The following DVL3 variants were observed in gnomAD, a reference collection of about 807,000 sequenced individuals.
DVL3 encodes segment polarity protein dishevelled homolog DVL-3.
In DVL3, 27 loss-of-function variants were observed where a neutral mutation model predicts 67.4. The observed-to-expected ratio is 0.40, with a 90% CI of 0.30 to 0.55. The LOEUF is 0.55. Among genes scored for constraint, DVL3 ranks in the 20% least tolerant of loss-of-function variants. DVL3 has a pLI of 0.46. For synonymous variants in DVL3, 369 were observed against 396.8 expected (o/e 0.93, Z 0.83); for missense variants, 819 against 1,021.5 (o/e 0.80, Z 2.70).
Position 184,166,890 on chromosome 3 carries a change from C to A in DVL3, c.1113C>A (p.Thr371=). 6.2e-7 allele frequency: 1 copy of A among 1,614,182 alleles called. No individual in the cohort carries two copies. Among genetic ancestry groups the A allele is most frequent in the South Asian group, 1.1e-5 (1 of 91,084 alleles). The change falls in exon 11 of 15, where the codon ACC becomes ACA. Residue 371 remains threonine (T), a synonymous_variant. Coordinates refer to ENST00000313143, the MANE Select transcript of DVL3 (RefSeq NM_004423.4). This position sits in a 1 kb window ranked among gnomAD's most constrained non-coding sequence, Gnocchi z 6.7. ...WVSHTAAMTG[T]FPAYGMSPSL... ...CCCACACTGCAGCCATGACCGGCAC[C>A]TTCCCTGCATACGGCATGAGCCCCT...
At position 184,170,637 on chromosome 3, in the gene DVL3, C is replaced by T; in HGVS notation, c.2033C>T (p.Pro678Leu). 2 of 1,610,362 alleles carry T rather than the reference C, an allele frequency of 1.2e-6. No homozygotes were observed. The change falls in exon 15 of 15, where the codon CCC becomes CTC. Residue 678 changes from proline to leucine, a missense_variant. Coordinates refer to ENST00000313143, the MANE Select transcript of DVL3 (RefSeq NM_004423.4). This position sits in a 1 kb window ranked among gnomAD's most constrained non-coding sequence, Gnocchi z 6.5. Reference protein sequence around the residue: ...MMPPPPAAMGPPGAPPGRDLA... With the variant: ...MMPPPPAAMGLPGAPPGRDLA... The stretch of plus-strand genomic sequence containing the variant: ...CCCCCGCCGCCCGCGGCCATGGGGC[C>T]CCCAGGAGCCCCTCCGGGCCGCGAC...
In DVL3 at chr3:184,170,874, C is replaced by T; in HGVS notation, c.*119C>T. 14 of 1,550,774 alleles carry T rather than the reference C, an allele frequency of 9.0e-6. No homozygotes were observed. Among genetic ancestry groups the T allele is most frequent in the Non-Finnish European group, 1.2e-5 (14 of 1,147,526 alleles). ...GAAAGGGAAATAAAAGGAACTAAAT[C>T]CAGGTGCGCTAACTGCTCGCAGGGT... is the stretch of plus-strand genomic sequence containing the variant. On this transcript the variant is annotated 3_prime_UTR_variant, in exon 15 of 15. Coordinates refer to ENST00000313143, the MANE Select transcript of DVL3 (RefSeq NM_004423.4). This position sits in a 1 kb window ranked among gnomAD's most constrained non-coding sequence, Gnocchi z 6.5.
In DVL3 at chr3:184,166,425, C is replaced by G. The variant is rs1714592267; in HGVS notation, c.904-21C>G. ...ATCCTCCCCAGCACAGCTGTTTATCCCACTCCTGGTCCTTTCCCAGGTAAA... is the reference window on the plus strand; with the variant it reads ...ATCCTCCCCAGCACAGCTGTTTATCGCACTCCTGGTCCTTTCCCAGGTAAA... On this transcript the variant is annotated intron_variant, in intron 8 of 14. Coordinates refer to ENST00000313143, the MANE Select transcript of DVL3 (RefSeq NM_004423.4). This position sits in a 1 kb window ranked among gnomAD's most constrained non-coding sequence, Gnocchi z 6.7. The G allele has an allele frequency of 1.9e-6, 3 of 1,613,748 alleles. No homozygotes were observed. Among genetic ancestry groups the G allele is most frequent in the Non-Finnish European group, 2.5e-6 (3 of 1,179,798 alleles).
chr3:184,166,902 C>G lies in DVL3; in HGVS notation c.1125C>G (p.Tyr375Ter). 6.2e-7 allele frequency: 1 copy of G among 1,614,170 alleles called. No homozygotes were observed. Among genetic ancestry groups the G allele is most frequent in the Non-Finnish European group, 8.5e-7 (1 of 1,180,032 alleles). Residue 375 changes from tyrosine (Y) to a stop codon, truncating the protein, a stop_gained, in exon 11 of 15, where the codon TAC becomes TAG. Transcript: ENST00000313143. LOFTEE classifies it high-confidence loss of function. This position sits in a 1 kb window ranked among gnomAD's most constrained non-coding sequence, Gnocchi z 6.7. ...TAAMTGTFPAYGMSPSLSTIT... is the reference protein window; with the variant it reads ...TAAMTGTFPA ...CCATGACCGGCACCTTCCCTGCATA[C>G]GGCATGAGCCCCTCCCTGAGCACCA... is the stretch of plus-strand genomic sequence containing the variant.
chr3:184,166,063 A>G lies in DVL3; in HGVS notation c.764-63A>G, dbSNP rs371246401. 212 of 1,581,628 alleles carry G rather than the reference A, an allele frequency of 1.3e-4. No individual in the cohort carries two copies. In the Middle Eastern group the frequency reaches 3.2e-3, roughly 24 times the overall value. ...CAGTTCCTGTCCCTTTCCATTTTCT[A>G]ATGGGCTGGGAATGCGGGTAGGAAC... On this transcript the variant is annotated intron_variant, in intron 7 of 14. Transcript: ENST00000313143. This position sits in a 1 kb window ranked among gnomAD's most constrained non-coding sequence, Gnocchi z 6.7.
rs752052086 is a variant in DVL3, at chr3:184,167,026, G to A, written c.1198+51G>A. On this transcript the variant is annotated intron_variant, in intron 11 of 14. Coordinates refer to ENST00000313143, the MANE Select transcript of DVL3 (RefSeq NM_004423.4). This position sits in a 1 kb window ranked among gnomAD's most constrained non-coding sequence, Gnocchi z 4.6. ...GCCCAGCAGACAGGGCCAGGTGGGGGGACTGATGAGGGTCCATGTGGAGAC... is the reference window on the plus strand; with the variant it reads ...GCCCAGCAGACAGGGCCAGGTGGGGAGACTGATGAGGGTCCATGTGGAGAC... 6.3e-7 allele frequency: 1 copy of A among 1,596,156 alleles called. No homozygotes were observed. Among genetic ancestry groups the A allele is most frequent in the African/African-American group, 1.3e-5 (1 of 74,624 alleles).
At position 184,171,324 on chromosome 3, in the gene DVL3, A is replaced by G. The variant is rs576440883; in HGVS notation, c.*569A>G. ...GCAACCTAAAGCTGTAGTCGCCTCC[A>G]ATAGCCATCCATGCCATCCCTGCCT... On this transcript the variant is annotated 3_prime_UTR_variant, in exon 15 of 15. Transcript: ENST00000313143. The G allele has an allele frequency of 1.0e-3, 1,057 of 1,017,484 alleles. 1 individual carries two copies. Among genetic ancestry groups the G allele is most frequent in the Non-Finnish European group, 1.2e-3 (1,014 of 850,738 alleles). 63.0% of individuals were successfully genotyped at this position (1,017,484 alleles called of 1,614,324 possible).
Position 184,164,188 on chromosome 3 carries a change from C to T in DVL3, c.232-79C>T. The T allele has an allele frequency of 6.5e-7, 1 of 1,530,802 alleles. No homozygotes were observed. The highest frequency in any genetic ancestry group is 1.4e-5 in the African/African-American group (1 of 72,938). 94.8% of individuals were successfully genotyped at this position (1,530,802 alleles called of 1,614,324 possible). A position where few individuals can be genotyped will look rare whatever the true frequency, so the allele number is the denominator to read the frequency against. Reference sequence around the variant, plus strand: ...TCCTGCTTCCTTCCTCTTAGGCCTTCATGCCTTGCTGGAAGTGAACTATCC... The same window carrying T: ...TCCTGCTTCCTTCCTCTTAGGCCTTTATGCCTTGCTGGAAGTGAACTATCC... On this transcript the variant is annotated intron_variant, in intron 2 of 14. Coordinates refer to ENST00000313143, the MANE Select transcript of DVL3 (RefSeq NM_004423.4). The surrounding 1 kb of genome is among the most constrained non-coding windows in gnomAD (Gnocchi z 5.3).
In DVL3 at chr3:184,164,647, C is replaced by T; in HGVS notation, c.463+46C>T. ...ACACTGTCCGCACCTCACACCCTCCCCTCACTTTCCACCCAGCTACCCACC... is the reference window on the plus strand; with the variant it reads ...ACACTGTCCGCACCTCACACCCTCCTCTCACTTTCCACCCAGCTACCCACC... On this transcript the variant is annotated intron_variant, in intron 4 of 14. Transcript: ENST00000313143. The surrounding 1 kb of genome is among the most constrained non-coding windows in gnomAD (Gnocchi z 5.3). 1.3e-6 allele frequency: 2 copies of T among 1,551,072 alleles called. No individual in the cohort carries two copies. The highest frequency in any genetic ancestry group is 8.7e-7 in the Non-Finnish European group (1 of 1,143,790).
rs1383619476 is a variant in DVL3, at chr3:184,155,839, C to G, written c.161+43C>G. ...CCCGCCTCCGGGAGCCCCGGCCGCT[C>G]TGGCTTCTAAGGGATGACGCGGTCC... On this transcript the variant is annotated intron_variant, in intron 1 of 14. Coordinates refer to ENST00000313143, the MANE Select transcript of DVL3 (RefSeq NM_004423.4). This position sits in a 1 kb window ranked among gnomAD's most constrained non-coding sequence, Gnocchi z 5.4. 3.2e-6 allele frequency: 5 copies of G among 1,569,432 alleles called. No homozygotes were observed. The highest frequency in any genetic ancestry group is 2.7e-5 in the African/African-American group (2 of 72,970).
In DVL3 at chr3:184,165,228, G is replaced by C. The variant is rs780021514; in HGVS notation, c.693+22G>C. The C allele has an allele frequency of 6.4e-6, 10 of 1,572,828 alleles. No individual in the cohort carries two copies. The highest frequency in any genetic ancestry group is 3.5e-4 in the Middle Eastern group (2 of 5,796). On this transcript the variant is annotated intron_variant, in intron 6 of 14. Coordinates refer to ENST00000313143, the MANE Select transcript of DVL3 (RefSeq NM_004423.4). The surrounding 1 kb of genome is among the most constrained non-coding windows in gnomAD (Gnocchi z 4.1). ...GCGGGTATGGGGTCTGGGAGGCTAG[G>C]GATGGGTGGAGGCAGATTGTGAGCC...
chr3:184,170,740 T>A lies in DVL3; in HGVS notation c.2136T>A (p.Phe712Leu), dbSNP rs757019188. 3.7e-6 allele frequency: 6 copies of A among 1,613,342 alleles called. No individual in the cohort carries two copies. The Admixed American group carries it at 1.0e-4, about 27-fold the overall frequency. ...RMAMGNPSEF[F>L]VDVM ...CCATGGGAAACCCCAGTGAGTTCTT[T>A]GTGGATGTGATGTGAGCAGGGCCCC... Residue 712 changes from phenylalanine to leucine, a missense_variant, in exon 15 of 15, where the codon TTT (phenylalanine) becomes TTA (leucine). Phe to Leu is a conservative substitution (Grantham distance 22, BLOSUM62 0). Coordinates refer to ENST00000313143, the MANE Select transcript of DVL3 (RefSeq NM_004423.4). This position sits in a 1 kb window ranked among gnomAD's most constrained non-coding sequence, Gnocchi z 6.5.
In DVL3 at chr3:184,171,154, T is replaced by G. The variant is rs998920301; in HGVS notation, c.*399T>G. 16 of 1,159,366 alleles carry G rather than the reference T, an allele frequency of 1.4e-5. No individual in the cohort carries two copies. The highest frequency in any genetic ancestry group is 1.7e-5 in the Non-Finnish European group (16 of 931,548). 71.8% of individuals were successfully genotyped at this position (1,159,366 alleles called of 1,614,324 possible). A position where few individuals can be genotyped will look rare whatever the true frequency, so the allele number is the denominator to read the frequency against. On this transcript the variant is annotated 3_prime_UTR_variant, in exon 15 of 15. Transcript: ENST00000313143. ...TTCCCCTTTAGCTCCCTTTCACCAT[T>G]TATTCAGCTACATCATCCCTCTATT...
intron 1 of DVL3, among the ~76,000 whole-genome samples, chr3:184,157,996 G>A (rs1042805945): frequency 6.6e-6 from 1 of 152,068 alleles, no homozygotes; most frequent in Non-Finnish European, 1.5e-5. Flanking sequence ...TTTAATCTTC[G>A]AAACAGCCTT....
In DVL3 at chr3:184,164,465, C is replaced by G. The variant is rs377048880; in HGVS notation, c.354-27C>G. 62 of 1,600,166 alleles carry G rather than the reference C, an allele frequency of 3.9e-5. No homozygotes were observed. On this transcript the variant is annotated intron_variant, in intron 3 of 14. Coordinates refer to ENST00000313143, the MANE Select transcript of DVL3 (RefSeq NM_004423.4). This position sits in a 1 kb window ranked among gnomAD's most constrained non-coding sequence, Gnocchi z 5.3. ...GGGGAGGGAGCCCCCAGCCTGCCCC[C>G]TCCCCCATCAAGTCTCTTCCCTGCA...
intron 1 of DVL3, among the ~76,000 whole-genome samples, chr3:184,160,057 A>G (rs1326551421): frequency 6.6e-6 from 1 of 150,668 alleles, no homozygotes; most frequent in Non-Finnish European, 1.5e-5. Context: ...CTCCTCCCTC[A>G]GCCTCCCGAG....
rs191929694 is a variant in DVL3, at chr3:184,165,578, C to T, written c.763+87C>T. The T allele has an allele frequency of 1.0e-4, 123 of 1,205,304 alleles. No individual in the cohort carries two copies. In the East Asian group the frequency reaches 2.7e-3, roughly 26 times the overall value. 74.7% of individuals were successfully genotyped at this position (1,205,304 alleles called of 1,614,324 possible). On this transcript the variant is annotated intron_variant, in intron 7 of 14. Coordinates refer to ENST00000313143, the MANE Select transcript of DVL3 (RefSeq NM_004423.4). The surrounding 1 kb of genome is among the most constrained non-coding windows in gnomAD (Gnocchi z 4.1). ...AGTTCAGAGAGCGTAGAATATGTTC[C>T]CTGCCCTCAAGGAGCTCTCTTTCGT...
Position 184,170,590 on chromosome 3 carries a change from C to T in DVL3, c.1986C>T (p.Tyr662=), listed in dbSNP as rs1364441976. ...GTCCTCCCGGAGTGCCCCCTCTCTACGGCCCCCCCATGCTGATGATGCCCC... is the reference window on the plus strand; with the variant it reads ...GTCCTCCCGGAGTGCCCCCTCTCTATGGCCCCCCCATGCTGATGATGCCCC... ...SYGPPGVPPL[Y]GPPMLMMPPP... is the part of the protein sequence containing the mutation. The change falls in exon 15 of 15, where the codon TAC becomes TAT. Residue 662 remains tyrosine (Y), a synonymous_variant. Coordinates refer to ENST00000313143, the MANE Select transcript of DVL3 (RefSeq NM_004423.4). The surrounding 1 kb of genome is among the most constrained non-coding windows in gnomAD (Gnocchi z 6.5). 4 of 1,610,550 alleles carry T rather than the reference C, an allele frequency of 2.5e-6. No homozygotes were observed. The highest frequency in any genetic ancestry group is 2.2e-5 in the East Asian group (1 of 44,730).
chr3:184,166,749 C>T lies in DVL3; in HGVS notation c.1048+76C>T. 6.2e-7 allele frequency: 1 copy of T among 1,612,798 alleles called. No homozygotes were observed. Among genetic ancestry groups the T allele is most frequent in the African/African-American group, 1.3e-5 (1 of 75,010 alleles). On this transcript the variant is annotated intron_variant, in intron 10 of 14. Transcript: ENST00000313143. This position sits in a 1 kb window ranked among gnomAD's most constrained non-coding sequence, Gnocchi z 6.7. ...ACTGTCTCTCCTTTCTTCTCTCACCCAGAACCCCCATATCTATCCTGTTGG... is the reference window on the plus strand; with the variant it reads ...ACTGTCTCTCCTTTCTTCTCTCACCTAGAACCCCCATATCTATCCTGTTGG...
Sources: allele counts gnomAD v4.1 joint callset (sites outside exome capture counted in the v4.1 genomes callset), GRCh38; gene constraint gnomAD v4.1.1; non-coding constraint Gnocchi (gnomAD v3.1); transcripts MANE v1.5; gene names NCBI Gene and HGNC (gene_info 2026-07-23, HGNC 2026-07-21).